The following ARFGEF1 variants were observed in gnomAD, a reference collection of about 807,000 sequenced individuals.
ARFGEF1 encodes the protein ARF guanine nucleotide exchange factor 1.
Under a neutral mutation model 231.0 loss-of-function variants are expected in ARFGEF1, and 42 were observed. The observed-to-expected ratio is 0.18, with a 90% CI of 0.14 to 0.24. The LOEUF is 0.24. ARFGEF1 is among the 10% of genes least tolerant of loss of function. The pLI, the probability that ARFGEF1 is intolerant of heterozygous loss-of-function variation, is 1.00. For missense variants in ARFGEF1, 1,345 were observed against 2,192.0 expected (o/e 0.61, Z 7.72); for synonymous variants, 710 against 732.3 (o/e 0.97, Z 0.49).
At position 67,243,200 on chromosome 8, in the gene ARFGEF1, G is replaced by A. The variant is rs1246335989; in HGVS notation, c.2851-2910C>T. Among the ~76,000 whole-genome samples the A allele has an allele frequency of 2.0e-5, 3 of 152,320 alleles. No individual in the cohort carries two copies. In the East Asian group the frequency reaches 5.8e-4, roughly 29 times the overall value. On this transcript the variant is annotated intron_variant, in intron 19 of 38. Coordinates refer to ENST00000262215, the MANE Select transcript of ARFGEF1 (RefSeq NM_006421.5). ...AACCCACCGTTACTGGACTTGGGGT[G>A]TCCCCTAAAGCAGATACGGCATGGA...
chr8:67,304,245 C>T (rs892445902), intron 1 of ARFGEF1, among the ~76,000 whole-genome samples: 11 of 152,226 alleles, frequency 7.2e-5, no homozygotes, highest in African/African-American at 2.7e-4. Flanking sequence ...ACAATTCATT[C>T]GCACAATCCA....
chr8:67,223,285 C>T (rs1839263643), intron 29 of ARFGEF1, among the ~76,000 whole-genome samples: 1 of 152,096 alleles, frequency 6.6e-6, no homozygotes, highest in Admixed American at 6.5e-5. Context: ...TCAGGGCTCA[C>T]CATAGCCCCA....
At chr8:67,292,275 A>G (rs1806041615) in intron 5 of ARFGEF1, 152 bp from the exon 6 acceptor site, 1 of 694,960 alleles carries the variant, frequency 1.4e-6, no homozygotes, top group Non-Finnish European at 2.4e-6. Flanking sequence ...AAACTATACT[A>G]AAAACAATGA....
chr8:67,215,254 A>G (rs867364442), intron 33 of ARFGEF1, among the ~76,000 whole-genome samples: 2 of 152,148 alleles, frequency 1.3e-5, no homozygotes, highest in African/African-American at 4.8e-5. Flanking sequence ...GATTATATTT[A>G]TAAGGGATTT....
chr8:67,336,226 C>G (rs1403008576), intron 1 of ARFGEF1, among the ~76,000 whole-genome samples: 1 of 152,136 alleles, frequency 6.6e-6, no homozygotes, highest in African/African-American at 2.4e-5. Flanking sequence ...TCAAGAGCCT[C>G]TACTTATAAC....
intron 19 of ARFGEF1, among the ~76,000 whole-genome samples, chr8:67,244,678 T>C (rs902443871): frequency 2.7e-5 from 4 of 149,188 alleles, no homozygotes; most frequent in Non-Finnish European, 5.9e-5. Context: ...CTGAAAAAAA[T>C]ACAGTCAGAG....
chr8:67,332,327 A>G (rs1396883094), intron 1 of ARFGEF1, among the ~76,000 whole-genome samples: 1 of 152,218 alleles, frequency 6.6e-6, no homozygotes, highest in Non-Finnish European at 1.5e-5. Context: ...ATATTAATAT[A>G]AAAAGCAAAT....
chr8:67,220,661 G>GGT (rs1234231043), intron 29 of ARFGEF1, among the ~76,000 whole-genome samples: 56 of 152,326 alleles, frequency 3.7e-4, no homozygotes, highest in African/African-American at 1.2e-3. Context: ...GCCTGTCAGA[G>GGT]TTCCACCACT....
intron 9 of ARFGEF1, 105 bp from the exon 10 acceptor site, chr8:67,272,041 A>G (rs1049551528): frequency 7.1e-6 from 5 of 705,476 alleles, no homozygotes; most frequent in Middle Eastern, 7.6e-4. Context: ...TAATTTCATA[A>G]ACTTTGTAAA....
At chr8:67,233,005 TAAC>T (rs1176798541) in intron 22 of ARFGEF1, 60 bp from the exon 23 acceptor site, 9 of 1,331,956 alleles carry the variant, frequency 6.8e-6, no homozygotes, top group African/African-American at 2.9e-5. Flanking sequence ...AGAATACACT[TAAC>T]AAGTTCTAAA....
At chr8:67,211,638 CTG>C (rs762711301) in intron 33 of ARFGEF1, 23 bp from the exon 34 acceptor site, 33 of 1,351,312 alleles carry the variant, frequency 2.4e-5, no homozygotes, top group Middle Eastern at 2.4e-4. Flanking sequence ...AAAAAAATCA[CTG>C]TAAGTATGGT....
At chr8:67,251,269 T>C in intron 19 of ARFGEF1, 30 bp downstream of exon 19, 1 of 1,562,382 alleles carries the variant, frequency 6.4e-7, no homozygotes, top group African/African-American at 1.4e-5. Context: ...AAATGTACAC[T>C]GCAATCAAAC....
chr8:67,337,121 G>A (rs1408536115), intron 1 of ARFGEF1, among the ~76,000 whole-genome samples: 12 of 108,014 alleles, frequency 1.1e-4, no homozygotes, highest in African/African-American at 3.8e-4. Flanking sequence ...AGAGCGTGAC[G>A]CCGTCTCAAA....
chr8:67,306,891 C>T (rs1471299201), intron 1 of ARFGEF1, among the ~76,000 whole-genome samples: 1 of 152,216 alleles, frequency 6.6e-6, no homozygotes, highest in Non-Finnish European at 1.5e-5. Flanking sequence ...AATTCTCCTG[C>T]CTCAGCCTCC....
At chr8:67,189,071 A>G (rs979192964) in intron 5 of ARFGEF1, among the ~76,000 whole-genome samples, 1 of 152,128 alleles carries the variant, frequency 6.6e-6, no homozygotes, top group Non-Finnish European at 1.5e-5. Context: ...AAAATGAGAT[A>G]CCACCACATA....
intron 27 of ARFGEF1, 145 bp downstream of exon 27, chr8:67,226,992 A>G (rs1839396919): frequency 3.1e-6 from 2 of 648,220 alleles, no homozygotes; most frequent in South Asian, 3.2e-5. Context: ...TAGTAATTTA[A>G]TTGTTTTTAT....
rs1196793314 is a variant in ARFGEF1 at position 67,258,290 on chromosome 8, T to C, written c.2236A>G (p.Thr746Ala). The C allele has an allele frequency of 3.8e-6, 6 of 1,570,042 alleles. No homozygotes were observed. Among genetic ancestry groups the C allele is most frequent in the Non-Finnish European group, 5.2e-6 (6 of 1,147,014 alleles). Reference protein sequence around the residue: ...FLHQEERLDSTQVGEFLGDND... With the variant: ...FLHQEERLDSAQVGEFLGDND... ...TCTCCCAGGAACTCACCCACTTGAG[T>C]CTAAAGTAAAAACAGAGATAGAAAT... Residue 746 changes from threonine (T) to alanine (A), a missense_variant and splice_region_variant, in exon 16 of 39, where the codon ACT becomes GCT. This residue lies in a region of ARFGEF1 where 105 missense variants were observed against 159.3 expected (regional missense o/e 0.66). Coordinates refer to ENST00000262215, the MANE Select transcript of ARFGEF1 (RefSeq NM_006421.5).
At chr8:67,310,111 T>C (rs1036432925) in intron 1 of ARFGEF1, among the ~76,000 whole-genome samples, 2 of 151,994 alleles carry the variant, frequency 1.3e-5, no homozygotes, top group Admixed American at 1.3e-4. Context: ...TCCCTCTCCC[T>C]CTCCCCACGG....
chr8:67,180,078 A>G (rs999812617), intron 5 of ARFGEF1: 2 of 511,562 alleles, frequency 3.9e-6, no homozygotes, highest in Non-Finnish European at 6.8e-6. Flanking sequence ...TGCCTTGGAA[A>G]GTTTTCAAAA....
Sources: allele counts gnomAD v4.1 joint callset (sites outside exome capture counted in the v4.1 genomes callset), GRCh38; gene constraint gnomAD v4.1.1; regional missense constraint gnomAD v4.1.1; transcripts MANE v1.5; gene names NCBI Gene and HGNC (gene_info 2026-07-23, HGNC 2026-07-21).